FBXL17: variants seen among roughly 807,000 people sequenced by gnomAD.
FBXL17 encodes F-box/LRR-repeat protein 17.
FBXL17 carries 22 observed loss-of-function variants against 66.2 expected under a neutral mutation model. The ratio of observed to expected loss-of-function variants is 0.33; its 90% CI spans 0.24 to 0.47. FBXL17 has a LOEUF of 0.47. FBXL17 is among the 20% of genes least tolerant of loss of function. The pLI, the probability that FBXL17 is intolerant of heterozygous loss-of-function variation, is 1.00. For missense variants in FBXL17, 878 were observed against 948.2 expected (o/e 0.93, Z 0.97); for synonymous variants, 474 against 400.5 (o/e 1.18, Z -2.19).
intron 7 of FBXL17, among the ~76,000 whole-genome samples, chr5:107,923,466 C>T (rs951926660): frequency 2.0e-5 from 3 of 152,102 alleles, no homozygotes; most frequent in Non-Finnish European, 4.4e-5. Flanking sequence ...AGTCTTAACT[C>T]CTAAATACTT....
At chr5:108,104,621 G>A (rs1036269902) in intron 6 of FBXL17, among the ~76,000 whole-genome samples, 1 of 152,180 alleles carries the variant, frequency 6.6e-6, no homozygotes, top group Non-Finnish European at 1.5e-5. Context: ...AATTGGACGA[G>A]TAAGACTAAT....
At chr5:108,206,490 A>C (rs934775210) in intron 5 of FBXL17, among the ~76,000 whole-genome samples, 2 of 152,154 alleles carry the variant, frequency 1.3e-5, no homozygotes, top group Non-Finnish European at 2.9e-5. Context: ...AATATATGTC[A>C]TCCCCCAAAG....
intron 6 of FBXL17, among the ~76,000 whole-genome samples, chr5:108,045,823 A>G (rs1167545750): frequency 6.6e-6 from 1 of 152,184 alleles, no homozygotes; most frequent in African/African-American, 2.4e-5. Context: ...TGGTCAGACA[A>G]TACAATCCAT....
chr5:108,203,815 C>CA lies in FBXL17; in HGVS notation c.1615-17569dup, dbSNP rs970337886. On this transcript the variant is annotated intron_variant, in intron 5 of 8. Transcript: ENST00000542267. ...TTTTCATTTCTAGTCTCTGAATAAA[C>CA]AAAAAAAGGAGGATGAAAATTGAGT... 5.9e-5 allele frequency among the ~76,000 whole-genome samples: 9 copies of CA among 151,828 alleles called. No homozygotes were observed. In the South Asian group the frequency reaches 1.2e-3, roughly 21 times the overall value.
At chr5:108,156,867 T>C (rs1328873703) in intron 6 of FBXL17, among the ~76,000 whole-genome samples, 3 of 151,968 alleles carry the variant, frequency 2.0e-5, no homozygotes. Flanking sequence ...TTAGCACATT[T>C]GCATGGCAAA....
chr5:107,887,682 G>T (rs928557034), intron 7 of FBXL17, among the ~76,000 whole-genome samples: 2 of 152,142 alleles, frequency 1.3e-5, no homozygotes, highest in African/African-American at 4.8e-5. Flanking sequence ...TGCATTCATG[G>T]TCCCTGCGAA....
intron 6 of FBXL17, among the ~76,000 whole-genome samples, chr5:108,148,109 G>A (rs908159912): frequency 2.6e-5 from 4 of 152,068 alleles, no homozygotes; most frequent in South Asian, 2.1e-4. Flanking sequence ...GTATATATAC[G>A]GGTAGCTGTA....
intron 8 of FBXL17, among the ~76,000 whole-genome samples, chr5:107,868,553 GTC>G (rs955341676): frequency 2.0e-5 from 3 of 152,146 alleles, no homozygotes; most frequent in African/African-American, 7.2e-5. Flanking sequence ...TTCCTTTCCC[GTC>G]TCTCACCCAT....
chr5:107,980,457 C>T (rs1333705516), intron 7 of FBXL17, among the ~76,000 whole-genome samples: 8 of 149,122 alleles, frequency 5.4e-5, no homozygotes, highest in African/African-American at 1.7e-4. Flanking sequence ...ATCTTCCCAC[C>T]ACAGCCCAGC....
chr5:108,381,493 T>C lies in FBXL17; in HGVS notation c.199A>G (p.Ser67Gly). ...GPCMLCFIVH[S>G]PGAPAPAGPE... is the part of the protein sequence containing the mutation. ...CCGGCGGGGGCGGGCGCGCCGGGAC[T>C]GTGCACGATGAAGCAGAGCATGCAG... The change falls in exon 1 of 9, where the codon AGT becomes GGT. Residue 67 changes from serine (S) to glycine (G), a missense_variant. Around this residue, in one of 4 missense-constraint regions of FBXL17, gnomAD observed 605 missense variants for 509.5 expected, o/e 1.19. Transcript: ENST00000542267. 3.0e-6 allele frequency: 4 copies of C among 1,353,538 alleles called. No individual in the cohort carries two copies. The highest frequency in any genetic ancestry group is 3.1e-5 in the East Asian group (1 of 32,292). 83.8% of individuals were successfully genotyped at this position (1,353,538 alleles called of 1,614,324 possible).
intron 4 of FBXL17, among the ~76,000 whole-genome samples, chr5:108,264,284 T>C (rs1218184457): frequency 6.7e-6 from 1 of 148,950 alleles, no homozygotes; most frequent in Non-Finnish European, 1.5e-5. Flanking sequence ...CATTTGGTCC[T>C]AACTGATTCA....
At chr5:108,181,488 G>GATC (rs1294991627) in intron 6 of FBXL17, among the ~76,000 whole-genome samples, 1 of 152,136 alleles carries the variant, frequency 6.6e-6, no homozygotes, top group Non-Finnish European at 1.5e-5. Flanking sequence ...TAGTCACAGA[G>GATC]ATCAATTCAA....
At chr5:107,918,804 T>A (rs1370784596) in intron 7 of FBXL17, among the ~76,000 whole-genome samples, 2 of 152,224 alleles carry the variant, frequency 1.3e-5, no homozygotes, top group Non-Finnish European at 2.9e-5. Flanking sequence ...TGTTGTTGAT[T>A]CCCAATGCTT....
intron 7 of FBXL17, among the ~76,000 whole-genome samples, chr5:107,947,947 A>G (rs1163282126): frequency 6.6e-6 from 1 of 152,196 alleles, no homozygotes; most frequent in African/African-American, 2.4e-5. Context: ...GTTTAGACAC[A>G]TGTACCCATG....
chr5:108,180,020 T>C (rs1017749474), intron 6 of FBXL17, among the ~76,000 whole-genome samples: 1 of 152,102 alleles, frequency 6.6e-6, no homozygotes, highest in African/African-American at 2.4e-5. Flanking sequence ...GCGGGCCTAG[T>C]ATTCTTGGGT....
At position 108,093,191 on chromosome 5, in the gene FBXL17, AGTTT is replaced by A. The variant is rs200756920; in HGVS notation, c.1746-72194_1746-72191del. 3.6e-3 allele frequency among the ~76,000 whole-genome samples: 554 copies of A among 152,192 alleles called. 17 individuals carry two copies. In the East Asian group the frequency reaches 0.068, roughly 19 times the overall value. On this transcript the variant is annotated intron_variant, in intron 6 of 8. Coordinates refer to ENST00000542267, the MANE Select transcript of FBXL17 (RefSeq NM_001163315.3). The stretch of plus-strand genomic sequence containing the variant: ...TTAATTAACATAAAAGCTGGTAATT[AGTTT>A]ACTATTAAAAAATGCCATTTTCTGT...
intron 4 of FBXL17, among the ~76,000 whole-genome samples, chr5:108,328,588 C>T (rs531086155): frequency 9.2e-5 from 14 of 152,084 alleles, no homozygotes; most frequent in Middle Eastern, 3.4e-3. Context: ...GACAGATACA[C>T]GCATGTTGGT....
intron 4 of FBXL17, among the ~76,000 whole-genome samples, chr5:108,296,810 G>A (rs187368937): frequency 6.0e-5 from 9 of 150,678 alleles, no homozygotes; most frequent in East Asian, 1.9e-4. Context: ...TACATACTTC[G>A]ACAGTATCCA....
At chr5:108,143,318 TAAC>T (rs998492526) in intron 6 of FBXL17, among the ~76,000 whole-genome samples, 3 of 151,050 alleles carry the variant, frequency 2.0e-5, no homozygotes, top group East Asian at 1.9e-4. Context: ...CATAGACAAT[TAAC>T]AAGTTTTACC....
Sources: allele counts gnomAD v4.1 joint callset (sites outside exome capture counted in the v4.1 genomes callset), GRCh38; gene constraint gnomAD v4.1.1; regional missense constraint gnomAD v4.1.1; transcripts MANE v1.5; gene names NCBI Gene and HGNC (gene_info 2026-07-23, HGNC 2026-07-21).